Variants in FRMD5 observed in about 807,000 individuals in gnomAD.
The protein encoded by FRMD5 is FERM domain containing 5.
In FRMD5, 20 loss-of-function variants were observed where a neutral mutation model predicts 69.0. That is an observed-to-expected ratio of 0.29 (90% confidence interval 0.20 to 0.42). The LOEUF is 0.42. Among genes scored for constraint, FRMD5 ranks in the 10% least tolerant of loss-of-function variants. The pLI is 1.00. For synonymous variants in FRMD5, 271 were observed against 260.1 expected, an observed-to-expected ratio of 1.04 and a Z score of -0.40; for missense variants, 595 against 708.6, an observed-to-expected ratio of 0.84 and a Z score of 1.82.
intron 1 of FRMD5, among the ~76,000 whole-genome samples, chr15:43,970,401 C>T (rs910841988): frequency 6.6e-6 from 1 of 152,212 alleles, no homozygotes; most frequent in Non-Finnish European, 1.5e-5. Context: ...TGCCCTCTCT[C>T]GCTTCAACAT....
intron 1 of FRMD5, among the ~76,000 whole-genome samples, chr15:44,073,306 A>G (rs986303943): frequency 2.6e-5 from 4 of 152,196 alleles, no homozygotes; most frequent in African/African-American, 9.6e-5. Flanking sequence ...ACATACGTGT[A>G]TAAGAGCAAA....
chr15:43,902,170 C>A lies in FRMD5; in HGVS notation c.639+5G>T. ...GTCATGCAGTCTCCAACCAGGGGGT[C>A]TTACCTTACATGGGTGAGGATCCAC... On this transcript the variant is annotated splice_donor_5th_base_variant and intron_variant, in intron 7 of 13. Coordinates refer to ENST00000417257, the MANE Select transcript of FRMD5 (RefSeq NM_032892.5). 6.2e-7 allele frequency: 1 copy of A among 1,611,746 alleles called. No individual in the cohort carries two copies. The highest frequency in any genetic ancestry group is 8.5e-7 in the Non-Finnish European group (1 of 1,177,848).
chr15:44,166,499 T>C (rs2077710844), intron 1 of FRMD5, among the ~76,000 whole-genome samples: 1 of 152,102 alleles, frequency 6.6e-6, no homozygotes, highest in Non-Finnish European at 1.5e-5. Flanking sequence ...AAAATTCTCA[T>C]GTACGCCAGG....
chr15:43,972,573 T>C (rs1166876866), intron 1 of FRMD5, among the ~76,000 whole-genome samples: 1 of 152,194 alleles, frequency 6.6e-6, no homozygotes, highest in Admixed American at 6.5e-5. Context: ...AATGCCAGGA[T>C]ACATGATGTA....
chr15:44,079,603 T>G (rs1893914706), intron 1 of FRMD5, among the ~76,000 whole-genome samples: 1 of 152,132 alleles, frequency 6.6e-6, no homozygotes, highest in African/African-American at 2.4e-5. Context: ...GCAATTGCAC[T>G]TCTGGGTATA....
At chr15:43,879,801 C>T in intron 13 of FRMD5, 3 of 397,332 alleles carry the variant, frequency 7.6e-6, no homozygotes, top group Non-Finnish European at 1.3e-5. Flanking sequence ...TCTGCAGATC[C>T]CACATCATAG....
intron 1 of FRMD5, among the ~76,000 whole-genome samples, chr15:43,995,174 C>G (rs1889862535): frequency 6.6e-6 from 1 of 152,186 alleles, no homozygotes; most frequent in Non-Finnish European, 1.5e-5. Flanking sequence ...TCCTCCCACA[C>G]ATTTTAAATA....
At chr15:43,891,291 G>A (rs2088787760) in intron 8 of FRMD5, among the ~76,000 whole-genome samples, 1 of 152,160 alleles carries the variant, frequency 6.6e-6, no homozygotes, top group African/African-American at 2.4e-5. Flanking sequence ...AACAGAGAGG[G>A]GCAGGAGAGG....
chr15:43,951,141 C>A (rs904211273), intron 1 of FRMD5, among the ~76,000 whole-genome samples: 18 of 152,048 alleles, frequency 1.2e-4, no homozygotes, highest in African/African-American at 4.3e-4. Flanking sequence ...ATAAATAGTG[C>A]CAGGCGTGGT....
chr15:44,191,938 A>ATG (rs2078203639), intron 1 of FRMD5, among the ~76,000 whole-genome samples: 1 of 125,880 alleles, frequency 7.9e-6, no homozygotes, highest in Admixed American at 8.4e-5. Flanking sequence ...ATATATATAT[A>ATG]TATGTATCTC....
At chr15:43,900,554 A>G (rs1030412706) in intron 7 of FRMD5, among the ~76,000 whole-genome samples, 1 of 151,422 alleles carries the variant, frequency 6.6e-6, no homozygotes, top group Non-Finnish European at 1.5e-5. Context: ...ATAAATCACC[A>G]TCTTCTCACC....
chr15:44,173,059 G>A (rs78147043), intron 1 of FRMD5, among the ~76,000 whole-genome samples: 4,596 of 152,130 alleles, frequency 0.03, 237 homozygotes, highest in African/African-American at 0.1. Flanking sequence ...TGACCCCACC[G>A]TTCATGTCTA....
chr15:44,195,247 C>T lies in FRMD5; in HGVS notation c.-193G>A, dbSNP rs756311373. 2 of 532,004 alleles carry T rather than the reference C, an allele frequency of 3.8e-6. No individual in the cohort carries two copies. Among genetic ancestry groups the T allele is most frequent in the South Asian group, 2.4e-5 (1 of 41,998 alleles). The allele number at this position is 532,004 out of a possible 1,614,324, so 33.0% of individuals were successfully genotyped here. A position where few individuals can be genotyped will look rare whatever the true frequency, so the allele number is the denominator to read the frequency against. ...TCCCTCAGCCGCCACCGCCTCCCCC[C>T]AGCCCAGATCAAGCGCCGGGCTCTG... is the stretch of plus-strand genomic sequence containing the variant. On this transcript the variant is annotated 5_prime_UTR_variant, in exon 1 of 14. Coordinates refer to ENST00000417257, the MANE Select transcript of FRMD5 (RefSeq NM_032892.5).
intron 1 of FRMD5, among the ~76,000 whole-genome samples, chr15:44,069,607 T>C (rs940135237): frequency 6.6e-6 from 1 of 152,192 alleles, no homozygotes; most frequent in Non-Finnish European, 1.5e-5. Flanking sequence ...ATTCTTGAGA[T>C]GACTAAATTA....
intron 1 of FRMD5, among the ~76,000 whole-genome samples, chr15:44,019,793 G>GA (rs951448361): frequency 9.8e-5 from 9 of 92,262 alleles, no homozygotes; most frequent in Non-Finnish European, 1.5e-4. Flanking sequence ...AAGAAAGAAA[G>GA]AAAAAAAAGA....
intron 4 of FRMD5, among the ~76,000 whole-genome samples, chr15:43,913,372 G>A (rs1286373584): frequency 6.6e-6 from 1 of 152,250 alleles, no homozygotes; most frequent in Non-Finnish European, 1.5e-5. Context: ...GAGGGCAAGA[G>A]GAGATGAGCT....
chr15:44,067,918 G>A (rs1893378941), intron 1 of FRMD5, among the ~76,000 whole-genome samples: 1 of 151,976 alleles, frequency 6.6e-6, no homozygotes, highest in African/African-American at 2.4e-5. Flanking sequence ...TTAAAAATAG[G>A]CAAAGATTGA....
intron 1 of FRMD5, among the ~76,000 whole-genome samples, chr15:44,147,644 T>G (rs997977794): frequency 6.6e-6 from 1 of 152,082 alleles, no homozygotes; most frequent in African/African-American, 2.4e-5. Flanking sequence ...AGGTAAGGAT[T>G]TTGGTAAGAT....
chr15:43,920,202 G>A (rs1385874602), intron 2 of FRMD5, among the ~76,000 whole-genome samples: 1 of 152,208 alleles, frequency 6.6e-6, no homozygotes, highest in Non-Finnish European at 1.5e-5. Flanking sequence ...GTGTGTTTCT[G>A]TTATGCACCA....
Sources: allele counts gnomAD v4.1 joint callset (sites outside exome capture counted in the v4.1 genomes callset), GRCh38; gene constraint gnomAD v4.1.1; transcripts MANE v1.5; gene names NCBI Gene and HGNC (gene_info 2026-07-23, HGNC 2026-07-21).